The following MALT1 variants were observed in gnomAD, a reference collection of about 807,000 sequenced individuals.
MALT1 encodes the protein MALT1 paracaspase.
MALT1 carries 36 observed loss-of-function variants against 85.5 expected under a neutral mutation model. The observed-to-expected ratio is 0.42, with a 90% CI of 0.32 to 0.56. MALT1 has a LOEUF of 0.56. MALT1 is among the 20% of genes least tolerant of loss of function. The pLI is 0.10. For synonymous variants in MALT1, 359 were observed against 361.3 expected, an observed-to-expected ratio of 0.99 and a Z score of 0.07; for missense variants, 716 against 981.6, an observed-to-expected ratio of 0.73 and a Z score of 3.62.
intron 2 of MALT1, among the ~76,000 whole-genome samples, chr18:58,692,449 C>T (rs62094985): frequency 0.24 from 8,867 of 36,514 alleles, 550 homozygotes; most frequent in East Asian, 0.43. Flanking sequence ...TCTCTCCCTC[C>T]CTCCCTCCCT....
At chr18:58,681,492 A>G (rs78526346) in intron 2 of MALT1, among the ~76,000 whole-genome samples, 156 bp downstream of exon 2, 18,010 of 152,264 alleles carry the variant, frequency 0.12, 1,619 homozygotes, top group African/African-American at 0.26. Flanking sequence ...AATGCAATGC[A>G]TGAATATTGG....
At chr18:58,744,600 A>T (rs1342267535) in intron 15 of MALT1, 105 bp downstream of exon 15, 3 of 486,770 alleles carry the variant, frequency 6.2e-6, no homozygotes, top group Non-Finnish European at 1.0e-5. Flanking sequence ...AAATATATAT[A>T]TTTATATATG....
At chr18:58,713,467 G>A (rs559989369) in intron 7 of MALT1, among the ~76,000 whole-genome samples, 42 of 152,078 alleles carry the variant, frequency 2.8e-4, no homozygotes, top group South Asian at 2.1e-3. Context: ...CCTCAAAACC[G>A]TCAGTGTCAT....
At chr18:58,725,855 G>T (rs529968716) in intron 10 of MALT1, among the ~76,000 whole-genome samples, 20 of 152,302 alleles carry the variant, frequency 1.3e-4, no homozygotes, top group African/African-American at 4.6e-4. Context: ...AAGGTCAGGA[G>T]TTCGAGACCA....
intron 1 of MALT1, 168 bp downstream of exon 1, chr18:58,672,020 C>T: frequency 2.4e-6 from 1 of 420,216 alleles, no homozygotes; most frequent in Non-Finnish European, 3.9e-6. Context: ...TCAGCAGCTC[C>T]CCGGAACGCC....
intron 1 of MALT1, among the ~76,000 whole-genome samples, chr18:58,677,881 T>A (rs1206966570): frequency 2.0e-5 from 3 of 152,160 alleles, no homozygotes; most frequent in Non-Finnish European, 4.4e-5. Context: ...CAGGAGGCCT[T>A]AGAGGACATT....
At chr18:58,713,799 A>G (rs141774656) in intron 7 of MALT1, among the ~76,000 whole-genome samples, 25 of 152,326 alleles carry the variant, frequency 1.6e-4, no homozygotes, top group African/African-American at 6.0e-4. Flanking sequence ...ACTGTTTTTA[A>G]TTAGCCAGAA....
At chr18:58,724,471 T>A (rs2055026268) in intron 10 of MALT1, among the ~76,000 whole-genome samples, 1 of 152,190 alleles carries the variant, frequency 6.6e-6, no homozygotes, top group Non-Finnish European at 1.5e-5. Flanking sequence ...CATTTTTTTC[T>A]TATGAAAATA....
Position 58,671,607 on chromosome 18 carries a change from C to CG in MALT1, c.-34dup. On this transcript the variant is annotated 5_prime_UTR_variant, in exon 1 of 17. Transcript: ENST00000649217. The stretch of plus-strand genomic sequence containing the variant: ...GGGCCGAGGCCCGTGACGGGGCGGG[C>CG]GGGAGCCCCGGCAGTCCGGGGTCGC... 8.4e-7 allele frequency: 1 copy of CG among 1,194,844 alleles called. No homozygotes were observed. The highest frequency in any genetic ancestry group is 3.3e-5 in the East Asian group (1 of 29,860). 74.0% of individuals were successfully genotyped at this position (1,194,844 alleles called of 1,614,324 possible). A position where few individuals can be genotyped will look rare whatever the true frequency, so the allele number is the denominator to read the frequency against.
chr18:58,736,322 C>G (rs1160182258), intron 13 of MALT1, among the ~76,000 whole-genome samples: 2 of 151,942 alleles, frequency 1.3e-5, no homozygotes, highest in Non-Finnish European at 2.9e-5. Context: ...TTAACATAAC[C>G]AGCCAGGGCT....
rs949515444 is a variant in MALT1 at position 58,717,633 on chromosome 18, C to CT, written c.1018+1667dup. ...TGGTGGTACACGCCTGTAATCCCAGCTACTCGGGAAGCTGAGGCACGAGAA... is the reference window on the plus strand; with the variant it reads ...TGGTGGTACACGCCTGTAATCCCAGCTTACTCGGGAAGCTGAGGCACGAGAA... On this transcript the variant is annotated intron_variant, in intron 9 of 16. Coordinates refer to ENST00000649217, the MANE Select transcript of MALT1 (RefSeq NM_006785.4). Among the ~76,000 whole-genome samples, 47 of 151,456 alleles carry CT rather than the reference C, an allele frequency of 3.1e-4. 1 individual carries two copies. The highest frequency in any genetic ancestry group is 1.1e-3 in the African/African-American group (45 of 41,180).
rs1199575476 is a variant in MALT1 at position 58,748,044 on chromosome 18, A to G, written c.*202A>G. On this transcript the variant is annotated 3_prime_UTR_variant, in exon 17 of 17. Coordinates refer to ENST00000649217, the MANE Select transcript of MALT1 (RefSeq NM_006785.4). ...ACTTCCTCTTTCTAAGATTTTGTGA[A>G]TTGGTTGAATAGTTCTATACAAATG... The G allele has an allele frequency of 1.8e-6, 1 of 556,602 alleles. No individual in the cohort carries two copies. Among genetic ancestry groups the G allele is most frequent in the Non-Finnish European group, 3.2e-6 (1 of 312,258 alleles). The allele number at this position is 556,602 out of a possible 1,614,324, so 34.5% of individuals were successfully genotyped here.
At chr18:58,712,423 A>G (rs1421803027) in intron 7 of MALT1, among the ~76,000 whole-genome samples, 2 of 152,242 alleles carry the variant, frequency 1.3e-5, no homozygotes, top group Non-Finnish European at 2.9e-5. Context: ...TGGAACAGTC[A>G]TTATGTTAAG....
chr18:58,732,922 TTA>T (rs1229112948), intron 10 of MALT1, among the ~76,000 whole-genome samples: 1 of 152,010 alleles, frequency 6.6e-6, no homozygotes, highest in Non-Finnish European at 1.5e-5. Context: ...ATTTATTTAT[TTA>T]TTTTGAGACA....
intron 9 of MALT1, among the ~76,000 whole-genome samples, chr18:58,720,355 C>G (rs571205824): frequency 6.6e-6 from 1 of 152,154 alleles, no homozygotes; most frequent in Admixed American, 6.5e-5. Flanking sequence ...CTTTCTACTA[C>G]TTCTCGATCT....
chr18:58,709,056 G>A (rs1568138420), intron 4 of MALT1, among the ~76,000 whole-genome samples: 1 of 152,204 alleles, frequency 6.6e-6, no homozygotes, highest in African/African-American at 2.4e-5. Context: ...AGATTCTGCA[G>A]CCAAACACAT....
chr18:58,739,487 AT>A (rs1300349989), intron 13 of MALT1, among the ~76,000 whole-genome samples: 1 of 152,180 alleles, frequency 6.6e-6, no homozygotes. Context: ...TTAGTCCAGC[AT>A]TATTCAAGAT....
In MALT1 at chr18:58,709,892, C is replaced by T. The variant is rs531374194; in HGVS notation, c.829-84C>T. On this transcript the variant is annotated intron_variant, in intron 5 of 16. Transcript: ENST00000649217. ...CCTTCTAAGATGTTATGTTTTGGAG[C>T]GTATTTTTAAAACACAAAATGATTT... 2.0e-5 allele frequency: 17 copies of T among 864,148 alleles called. 1 individual carries two copies. In the South Asian group the frequency reaches 2.3e-4, roughly 12 times the overall value. The allele number at this position is 864,148 out of a possible 1,614,324, so 53.5% of individuals were successfully genotyped here.
chr18:58,734,178 A>AT, intron 11 of MALT1, 129 bp from the exon 12 acceptor site: 1 of 1,074,902 alleles, frequency 9.3e-7, no homozygotes, highest in Non-Finnish European at 1.3e-6. Context: ...TAGATGAAAA[A>AT]TTTTGAATCT....
Sources: allele counts gnomAD v4.1 joint callset (sites outside exome capture counted in the v4.1 genomes callset), GRCh38; gene constraint gnomAD v4.1.1; transcripts MANE v1.5; gene names NCBI Gene and HGNC (gene_info 2026-07-23, HGNC 2026-07-21).